Variants in MGRN1 observed in about 807,000 individuals in gnomAD.
MGRN1 encodes mahogunin ring finger 1, also known as E3 ubiquitin-protein ligase MGRN1.
Under a neutral mutation model 69.2 loss-of-function variants are expected in MGRN1, and 29 were observed. The observed-to-expected ratio is 0.42, with a 90% CI of 0.31 to 0.57. The LOEUF is 0.57. Among genes scored for constraint, MGRN1 ranks in the 20% least tolerant of loss-of-function variants. The pLI is 0.15. For synonymous variants in MGRN1, 470 were observed against 344.2 expected, an observed-to-expected ratio of 1.37 and a Z score of -4.04; for missense variants, 998 against 796.2, an observed-to-expected ratio of 1.25 and a Z score of -3.05.
At chr16:4,661,084 G>A (rs544639050) in intron 5 of MGRN1, among the ~76,000 whole-genome samples, 1 of 151,918 alleles carries the variant, frequency 6.6e-6, no homozygotes, top group Admixed American at 6.6e-5. Context: ...TGGGTTAAGC[G>A]ATCCTCTCAC....
rs2079015069 is a variant in MGRN1, at chr16:4,674,626, C to CTTTTCT, written c.955+973_955+974insCTTTTT. ...CTTTTTTTTTCTTTTCTTTTCTTTT[C>CTTTTCT]TTTTTTTTTTTTTTTTTTTTTTTTT... On this transcript the variant is annotated intron_variant, in intron 10 of 16. Transcript: ENST00000262370. Among the ~76,000 whole-genome samples, 10 of 47,276 alleles carry CTTTTCT rather than the reference C, an allele frequency of 2.1e-4. No homozygotes were observed. The Admixed American group carries it at 2.4e-3, about 11-fold the overall frequency. The allele number at this position is 47,276 out of a possible 152,430, so 31.0% of individuals were successfully genotyped here.
chr16:4,666,712 G>A (rs2078813625), intron 7 of MGRN1, among the ~76,000 whole-genome samples: 2 of 152,234 alleles, frequency 1.3e-5, no homozygotes, highest in Non-Finnish European at 2.9e-5. Context: ...CCACCTGCCT[G>A]CGGCACTCTG....
At chr16:4,674,982 T>C (rs2079025249) in intron 10 of MGRN1, among the ~76,000 whole-genome samples, 1 of 151,940 alleles carries the variant, frequency 6.6e-6, no homozygotes, top group Non-Finnish European at 1.5e-5. Flanking sequence ...TATTTATTTA[T>C]TTATTTTGAG....
rs988439869 is a variant in MGRN1 at position 4,686,224 on chromosome 16, C to G, written c.1618+2292C>G. The G allele has an allele frequency of 1.2e-5, 18 of 1,538,986 alleles. No individual in the cohort carries two copies. The East Asian group carries it at 2.9e-4, about 25-fold the overall frequency. ...TGCTGGCTGCTGCGCGCTTGCTAAC[C>G]GAGCTTCCGTCTGTCTCTCCCCCTC... is the stretch of plus-strand genomic sequence containing the variant. On this transcript the variant is annotated intron_variant, in intron 16 of 16. Transcript: ENST00000262370.
intron 1 of MGRN1, chr16:4,650,041 A>C: frequency 4.9e-6 from 1 of 202,436 alleles, no homozygotes; most frequent in Non-Finnish European, 1.0e-5. Context: ...CGTGGCTCAT[A>C]CCTGTAATCC....
intron 16 of MGRN1, chr16:4,687,504 G>T (rs2079355036): frequency 1.0e-6 from 1 of 979,188 alleles, no homozygotes; most frequent in African/African-American, 1.8e-5. Flanking sequence ...CTGAGACGCT[G>T]TCTCAATAAA....
chr16:4,679,436 C>T lies in MGRN1; in HGVS notation c.1066-596C>T, dbSNP rs562645013. On this transcript the variant is annotated intron_variant, in intron 11 of 16. Transcript: ENST00000262370. ...GAGCCGCCGTCCTCTCTGCATGGAG[C>T]AAAAGCAAACGCTCCTCCTCACCTG... 1.8e-3 allele frequency among the ~76,000 whole-genome samples: 273 copies of T among 152,160 alleles called. 1 individual carries two copies. Among genetic ancestry groups the T allele is most frequent in the African/African-American group, 6.1e-3 (254 of 41,520 alleles).
intron 5 of MGRN1, among the ~76,000 whole-genome samples, chr16:4,657,738 CTTTTTTTTTTT>C (rs1157518931): frequency 5.2e-5 from 4 of 76,998 alleles, no homozygotes; most frequent in African/African-American, 1.7e-4. Flanking sequence ...TGCAGACATC[CTTTTTTTTTTT>C]TTTTTTTTTT....
At chr16:4,681,155 C>T (rs2079173725) in intron 12 of MGRN1, among the ~76,000 whole-genome samples, 1 of 152,222 alleles carries the variant, frequency 6.6e-6, no homozygotes, top group Admixed American at 6.5e-5. Flanking sequence ...GTCCAGGACG[C>T]CCCTGACCGT....
chr16:4,687,820 A>C, intron 16 of MGRN1: 1 of 985,364 alleles, frequency 1.0e-6, no homozygotes, highest in East Asian at 1.1e-4. Context: ...GTCAGGGAGA[A>C]CTTCGCTTCT....
intron 6 of MGRN1, 60 bp from the exon 7 acceptor site, chr16:4,665,042 T>G (rs1596298984): frequency 3.6e-4 from 559 of 1,567,952 alleles, no homozygotes; most frequent in Non-Finnish European, 4.5e-4. Context: ...GTCGGGGAGG[T>G]GAGATGCCTG....
intron 10 of MGRN1, among the ~76,000 whole-genome samples, 171 bp downstream of exon 10, chr16:4,673,828 C>T (rs1024824712): frequency 1.3e-5 from 2 of 152,124 alleles, no homozygotes; most frequent in East Asian, 1.9e-4. Context: ...AGTCAGTCAC[C>T]GTGAGAGAGC....
intron 4 of MGRN1, among the ~76,000 whole-genome samples, chr16:4,656,914 T>TA (rs1446771911): frequency 7.0e-6 from 1 of 143,482 alleles, no homozygotes; most frequent in African/African-American, 2.8e-5. Flanking sequence ...AATAAATAAA[T>TA]AAATAAATAA....
intron 5 of MGRN1, among the ~76,000 whole-genome samples, chr16:4,661,801 T>A (rs2078688109): frequency 6.6e-6 from 1 of 152,222 alleles, no homozygotes; most frequent in Non-Finnish European, 1.5e-5. Flanking sequence ...GGGGCCTAGG[T>A]CCGTGTGGAC....
At chr16:4,666,288 C>G (rs1202837376) in intron 7 of MGRN1, among the ~76,000 whole-genome samples, 1 of 152,180 alleles carries the variant, frequency 6.6e-6, no homozygotes, top group Non-Finnish European at 1.5e-5. Context: ...ACCACCACGT[C>G]TGTCTAACTT....
chr16:4,664,873 A>G, intron 6 of MGRN1, 98 bp downstream of exon 6: 1 of 1,493,036 alleles, frequency 6.7e-7, no homozygotes, highest in Non-Finnish European at 9.3e-7. Context: ...GAAGCAGGCC[A>G]GGCATAGGGC....
rs144712430 is a variant in MGRN1 at position 4,627,525 on chromosome 16, C to T, written c.88+2477C>T. 3.7e-3 allele frequency among the ~76,000 whole-genome samples: 571 copies of T among 152,372 alleles called. 31 individuals are homozygous for T. In the East Asian group the frequency reaches 0.09, roughly 24 times the overall value. On this transcript the variant is annotated intron_variant, in intron 1 of 16. Transcript: ENST00000262370. The stretch of plus-strand genomic sequence containing the variant: ...TCGTCTGGCCAGGCGCGGTGGCTCA[C>T]GCCTATAATCCCATCACTTTGGGAG...
At chr16:4,651,229 G>A (rs1333554173) in intron 2 of MGRN1, 3 of 152,232 alleles carry the variant, frequency 2.0e-5, no homozygotes, top group Admixed American at 6.5e-5. Flanking sequence ...GGGCACATTC[G>A]AGTACTGTCA....
chr16:4,659,233 GTC>G (rs2078621477), intron 5 of MGRN1: 2 of 152,236 alleles, frequency 1.3e-5, no homozygotes, highest in Non-Finnish European at 2.9e-5. Context: ...GGTGGGTGGA[GTC>G]TCTGTCCTCT....
Sources: gnomAD v4.1 joint callset for allele counts (sites outside exome capture counted in the v4.1 genomes callset) on GRCh38, gnomAD v4.1.1 for gene constraint, MANE v1.5 for transcripts, NCBI Gene and HGNC (gene_info 2026-07-23, HGNC 2026-07-21) for gene names.